Variants in STAB1 observed in about 807,000 individuals in gnomAD.
STAB1 encodes the protein stabilin-1.
A neutral mutation model predicts 332.4 loss-of-function variants in STAB1; 250 were observed. The observed-to-expected ratio is 0.75, with a 90% CI of 0.68 to 0.84. The LOEUF is 0.84. Among genes scored for constraint, STAB1 ranks in the 40% least tolerant of loss-of-function variants. STAB1 has a pLI of 0.00. For synonymous variants in STAB1, 1,475 were observed against 1,390.4 expected, an observed-to-expected ratio of 1.06 and a Z score of -1.35; for missense variants, 3,249 against 3,489.7, an observed-to-expected ratio of 0.93 and a Z score of 1.74.
intron 49 of STAB1, 22 bp from the exon 50 acceptor site, chr3:52,519,483 G>GT: frequency 1.2e-6 from 2 of 1,613,188 alleles, no homozygotes; most frequent in Non-Finnish European, 1.7e-6. Context: ...TGGCCTAGCT[G>GT]TTTATGAGAG....
chr3:52,504,465 G>A lies in STAB1; in HGVS notation c.1155G>A (p.Gln385=). The A allele has an allele frequency of 6.2e-7, 1 of 1,613,904 alleles. No individual in the cohort carries two copies. Among genetic ancestry groups the A allele is most frequent in the Non-Finnish European group, 8.5e-7 (1 of 1,179,980 alleles). The change falls in exon 11 of 69, where the codon CAG becomes CAA. Residue 385 remains glutamine, a synonymous_variant. Transcript: ENST00000321725. The part of the protein sequence containing the change: ...QLRVAVAMMD[Q]GCREILTTAG... Reference sequence around the variant, plus strand: ...CTCCCTCACCCTGCCCCCCAGACCAGGGCTGCCGGGAAATCCTTACCACAG... The same window carrying A: ...CTCCCTCACCCTGCCCCCCAGACCAAGGCTGCCGGGAAATCCTTACCACAG...
At chr3:52,508,173 C>T in intron 20 of STAB1, 100 bp from the exon 21 acceptor site, 1 of 1,367,052 alleles carries the variant, frequency 7.3e-7, no homozygotes, top group Non-Finnish European at 1.0e-6. Flanking sequence ...GAAACCTTAT[C>T]CACTCCGTCA....
At position 52,523,144 on chromosome 3, in the gene STAB1, G is replaced by T; in HGVS notation, c.7020+10G>T. The T allele has an allele frequency of 6.2e-7, 1 of 1,604,920 alleles. No individual in the cohort carries two copies. Among genetic ancestry groups the T allele is most frequent in the East Asian group, 2.2e-5 (1 of 44,862 alleles). On this transcript the variant is annotated intron_variant, in intron 63 of 68. Transcript: ENST00000321725. ...CTCCACCTTCTATGGGGTGTGTGGGGGCCACCCTTGGGGGCGGGGGGTGCT... is the reference window on the plus strand; with the variant it reads ...CTCCACCTTCTATGGGGTGTGTGGGTGCCACCCTTGGGGGCGGGGGGTGCT...
chr3:52,512,331 C>G lies in STAB1; in HGVS notation c.2884-10C>G. 6.2e-7 allele frequency: 1 copy of G among 1,612,748 alleles called. No homozygotes were observed. Among genetic ancestry groups the G allele is most frequent in the South Asian group, 1.1e-5 (1 of 91,052 alleles). On this transcript the variant is annotated splice_polypyrimidine_tract_variant and intron_variant, in intron 26 of 68. Coordinates refer to ENST00000321725, the MANE Select transcript of STAB1 (RefSeq NM_015136.3). ...TTCTGAATGGAGGCCCTTTCTCACT[C>G]CCACCCCAGGCCACCTGCCGGGCAG...
Position 52,523,577 on chromosome 3 carries a change from G to A in STAB1, c.7290+1G>A. On this transcript the variant is annotated splice_donor_variant, in intron 65 of 68. Coordinates refer to ENST00000321725, the MANE Select transcript of STAB1 (RefSeq NM_015136.3). LOFTEE classifies it high-confidence loss of function. ...TGACAACAGTTCCTGGGCCCCTGTG[G>A]TGAGTCTGGCCACTGTCCCACCCTG... 3.7e-6 allele frequency: 6 copies of A among 1,612,752 alleles called. No homozygotes were observed. The highest frequency in any genetic ancestry group is 5.1e-6 in the Non-Finnish European group (6 of 1,180,008).
chr3:52,514,571 C>G, intron 34 of STAB1, 75 bp downstream of exon 34: 1 of 1,546,460 alleles, frequency 6.5e-7, no homozygotes. Context: ...TGGAGTTTCC[C>G]TAGCTGTGAG....
At position 52,517,346 on chromosome 3, in the gene STAB1, G is replaced by A. The variant is rs966920944; in HGVS notation, c.4516G>A (p.Gly1506Arg). 15 of 1,601,098 alleles carry A rather than the reference G, an allele frequency of 9.4e-6. No homozygotes were observed. The highest frequency in any genetic ancestry group is 2.7e-5 in the African/African-American group (2 of 74,318). ...AATTAACAGCTGTCTCATCCACCACGGGGGCTGCCACATTCACGCCGAGTG... is the reference window on the plus strand; with the variant it reads ...AATTAACAGCTGTCTCATCCACCACAGGGGCTGCCACATTCACGCCGAGTG... Reference protein sequence around the residue: ...QEINSCLIHHGGCHIHAECIP... With the variant: ...QEINSCLIHHRGCHIHAECIP... The change falls in exon 43 of 69, where the codon GGG (glycine) becomes AGG (arginine). Residue 1506 changes from glycine to arginine, a missense_variant. Physicochemically the swap from Gly to Arg is moderately radical, Grantham distance 125. Coordinates refer to ENST00000321725, the MANE Select transcript of STAB1 (RefSeq NM_015136.3).
Position 52,501,271 on chromosome 3 carries a change from G to T in STAB1, c.184G>T (p.Glu62Ter), listed in dbSNP as rs764770734. 6.2e-7 allele frequency: 1 copy of T among 1,613,512 alleles called. No individual in the cohort carries two copies. The highest frequency in any genetic ancestry group is 8.5e-7 in the Non-Finnish European group (1 of 1,180,004). ...KQTCPSGWLRELPDQITQDCR... is the reference protein window; with the variant it reads ...KQTCPSGWLR Reference sequence around the variant, plus strand: ...GACGTGTCCCTCAGGCTGGCTGCGGGAGCTCCCGGATCAGATAACCCAGGA... The same window carrying T: ...GACGTGTCCCTCAGGCTGGCTGCGGTAGCTCCCGGATCAGATAACCCAGGA... Residue 62 changes from glutamate to a stop codon, truncating the protein, a stop_gained, in exon 2 of 69, where the codon GAG (glutamate) becomes TAG (stop). Coordinates refer to ENST00000321725, the MANE Select transcript of STAB1 (RefSeq NM_015136.3). LOFTEE classifies it high-confidence loss of function.
chr3:52,519,666 A>AC (rs1256717167), intron 50 of STAB1, 102 bp downstream of exon 50: 2 of 1,504,232 alleles, frequency 1.3e-6, no homozygotes, highest in Admixed American at 1.8e-5. Flanking sequence ...CTGTGTGCAC[A>AC]CTGTCCCGTG....
intron 22 of STAB1, 39 bp from the exon 23 acceptor site, chr3:52,509,831 C>G: frequency 6.2e-7 from 1 of 1,611,204 alleles, no homozygotes; most frequent in South Asian, 1.1e-5. Context: ...GCCCTGCCTC[C>G]TGCTTCTCAG....
Position 52,509,236 on chromosome 3 carries a change from G to A in STAB1, c.2262G>A (p.Gly754=), listed in dbSNP as rs1395023984. 1 of 1,613,610 alleles carries A rather than the reference G, an allele frequency of 6.2e-7. No homozygotes were observed. Among genetic ancestry groups the A allele is most frequent in the East Asian group, 2.2e-5 (1 of 44,894 alleles). ...GNCSDGIQGN[G]ACLCFPDYKG... is the part of the protein sequence containing the mutation. ...GCAGTGATGGGATCCAGGGCAATGG[G>A]GCCTGCCTCTGCTTCCCAGACTACA... The change falls in exon 22 of 69, where the codon GGG becomes GGA. Residue 754 remains glycine (G), a synonymous_variant. Transcript: ENST00000321725.
intron 22 of STAB1, 30 bp from the exon 23 acceptor site, chr3:52,509,838 TCA>T: frequency 6.2e-7 from 1 of 1,611,542 alleles, no homozygotes; most frequent in Non-Finnish European, 8.5e-7. Context: ...CTCCTGCTTC[TCA>T]GTTTCCTTGC....
intron 1 of STAB1, among the ~76,000 whole-genome samples, chr3:52,499,254 C>T (rs1708260234): frequency 6.6e-6 from 1 of 152,238 alleles, no homozygotes; most frequent in African/African-American, 2.4e-5. Context: ...TAGCTTCACG[C>T]CTCCTGGTTC....
rs1211681753 is a variant in STAB1 at position 52,504,119 on chromosome 3, G to A, written c.1114G>A (p.Val372Met). The A allele has an allele frequency of 1.3e-6, 2 of 1,592,512 alleles. No individual in the cohort carries two copies. The highest frequency in any genetic ancestry group is 1.1e-5 in the South Asian group (1 of 88,204). The change falls in exon 10 of 69, where the codon GTG becomes ATG. Residue 372 changes from valine (V) to methionine (M), a missense_variant. Val to Met is a conservative substitution (Grantham distance 21). Coordinates refer to ENST00000321725, the MANE Select transcript of STAB1 (RefSeq NM_015136.3). ...EVQKATQTGR[V>M]FLQLRVAVAM... is the part of the protein sequence containing the mutation. ...GCAGAAGGCCACGCAGACAGGCCGGGTGTTCCTGCAGCTGAGGGTCGCCGT... is the reference window on the plus strand; with the variant it reads ...GCAGAAGGCCACGCAGACAGGCCGGATGTTCCTGCAGCTGAGGGTCGCCGT...
In STAB1 at chr3:52,508,338, C is replaced by A. The variant is rs141523116; in HGVS notation, c.2214C>A (p.Asn738Lys). ...CGCAGTGTCCTGGGGGCTTCTCCAA[C>A]CCCTGCTATGGCAAAGGCAATGTGA... ...DCTQCPGGFS[N>K]PCYGKGNCSD... The change falls in exon 21 of 69, where the codon AAC becomes AAA. Residue 738 changes from asparagine to lysine, a missense_variant. Coordinates refer to ENST00000321725, the MANE Select transcript of STAB1 (RefSeq NM_015136.3). The A allele has an allele frequency of 4.5e-5, 72 of 1,613,906 alleles. No individual in the cohort carries two copies. The African/African-American group carries it at 8.3e-4, about 19-fold the overall frequency.
chr3:52,513,781 A>T lies in STAB1; in HGVS notation c.3335A>T (p.His1112Leu). The T allele has an allele frequency of 6.2e-7, 1 of 1,613,422 alleles. No individual in the cohort carries two copies. The highest frequency in any genetic ancestry group is 8.5e-7 in the Non-Finnish European group (1 of 1,180,000). ...CTCCTTGCCACCAACGGTGTCCTACACATCCTCAGCCAGGTACAGCAGGAG... is the reference window on the plus strand; with the variant it reads ...CTCCTTGCCACCAACGGTGTCCTACTCATCCTCAGCCAGGTACAGCAGGAG... ...ADLLATNGVLHILSQVLLPPR... is the reference protein window; with the variant it reads ...ADLLATNGVLLILSQVLLPPR... Residue 1112 changes from histidine to leucine, a missense_variant, in exon 31 of 69, where the codon CAC (histidine) becomes CTC (leucine). Coordinates refer to ENST00000321725, the MANE Select transcript of STAB1 (RefSeq NM_015136.3).
chr3:52,505,567 C>G, intron 14 of STAB1, 101 bp from the exon 15 acceptor site: 2 of 1,276,036 alleles, frequency 1.6e-6, no homozygotes, highest in Non-Finnish European at 2.2e-6. Flanking sequence ...CCCCCTTACT[C>G]AGTGGGAGTT....
At chr3:52,501,981 A>AGGT in intron 3 of STAB1, 25 bp from the exon 4 acceptor site, 5 of 1,610,736 alleles carry the variant, frequency 3.1e-6, no homozygotes, top group Non-Finnish European at 4.2e-6. Context: ...CTGGGCACAG[A>AGGT]GCTGAGTACT....
At chr3:52,517,157 C>T (rs774594123) in intron 42 of STAB1, 48 bp downstream of exon 42, 1 of 1,513,474 alleles carries the variant, frequency 6.6e-7, no homozygotes, top group Non-Finnish European at 8.8e-7. Flanking sequence ...AGGGGTCTGG[C>T]TTCAGTGATC....
Sources: allele counts gnomAD v4.1 joint callset (sites outside exome capture counted in the v4.1 genomes callset), GRCh38; gene constraint gnomAD v4.1.1; transcripts MANE v1.5; gene names NCBI Gene and HGNC (gene_info 2026-07-23, HGNC 2026-07-21).